ASTN2: variants seen among roughly 807,000 people sequenced by gnomAD.
ASTN2 encodes the protein astrotactin-2.
A neutral mutation model predicts 139.8 loss-of-function variants in ASTN2; 54 were observed. That is an observed-to-expected ratio of 0.39 (90% CI 0.31 to 0.48). The LOEUF is 0.48. Ranked by LOEUF, ASTN2 falls within the 20% of genes least tolerant of loss-of-function variation. ASTN2 has a pLI of 0.95. For synonymous variants in ASTN2, 756 were observed against 719.5 expected (o/e 1.05, Z -0.81); for missense variants, 1,565 against 1,725.1 (o/e 0.91, Z 1.64).
intron 2 of ASTN2, among the ~76,000 whole-genome samples, chr9:117,258,658 T>C (rs1833749696): frequency 6.6e-6 from 1 of 152,184 alleles, no homozygotes; most frequent in African/African-American, 2.4e-5. Context: ...ATCAAAATTC[T>C]TTAGCCTTAC....
At chr9:117,024,057 T>A (rs952805443) in intron 6 of ASTN2, among the ~76,000 whole-genome samples, 14 of 152,062 alleles carry the variant, frequency 9.2e-5, no homozygotes, top group Admixed American at 9.2e-4. Flanking sequence ...TGAGGCCAAT[T>A]TCCTTTTGCA....
intron 16 of ASTN2, among the ~76,000 whole-genome samples, chr9:116,723,471 C>T (rs576824524): frequency 1.3e-5 from 2 of 152,292 alleles, no homozygotes; most frequent in African/African-American, 2.4e-5. Context: ...TTCAGCACTG[C>T]ACTATCTCTC....
chr9:116,884,164 CA>C (rs1833527264), intron 10 of ASTN2, among the ~76,000 whole-genome samples: 1 of 152,112 alleles, frequency 6.6e-6, no homozygotes, highest in Non-Finnish European at 1.5e-5. Context: ...GCCAGACAGG[CA>C]GGCTTCTAGA....
At chr9:116,981,329 G>A (rs1836508235) in intron 7 of ASTN2, among the ~76,000 whole-genome samples, 1 of 152,156 alleles carries the variant, frequency 6.6e-6, no homozygotes, top group South Asian at 2.1e-4. Flanking sequence ...TTTAGGCTGA[G>A]TTCATTTAGA....
intron 19 of ASTN2, among the ~76,000 whole-genome samples, chr9:116,551,444 G>C (rs1852339000): frequency 6.6e-6 from 1 of 152,152 alleles, no homozygotes; most frequent in Non-Finnish European, 1.5e-5. Context: ...GACTAGGAGA[G>C]GGATGTTTGA....
intron 10 of ASTN2, among the ~76,000 whole-genome samples, chr9:116,889,912 C>T (rs972188801): frequency 1.3e-5 from 2 of 151,320 alleles, no homozygotes; most frequent in African/African-American, 4.9e-5. Context: ...GCCTAGGCAA[C>T]AAAGCAAGAC....
chr9:117,000,711 T>C (rs1837170033), intron 7 of ASTN2, among the ~76,000 whole-genome samples: 1 of 152,202 alleles, frequency 6.6e-6, no homozygotes, highest in African/African-American at 2.4e-5. Context: ...AAGCCTCCAC[T>C]AGCCACTTTT....
At chr9:116,899,840 A>C (rs1833963912) in intron 10 of ASTN2, among the ~76,000 whole-genome samples, 1 of 152,188 alleles carries the variant, frequency 6.6e-6, no homozygotes, top group South Asian at 2.1e-4. Flanking sequence ...TACTGTTGTA[A>C]AACCTAAGAT....
chr9:117,412,191 C>T (rs1831184037), intron 1 of ASTN2, among the ~76,000 whole-genome samples: 1 of 152,128 alleles, frequency 6.6e-6, no homozygotes, highest in African/African-American at 2.4e-5. Context: ...TAGCCAAATC[C>T]CCGTTGAGAG....
At chr9:116,884,806 C>CA (rs201031478) in intron 10 of ASTN2, among the ~76,000 whole-genome samples, 1 of 115,646 alleles carries the variant, frequency 8.6e-6, no homozygotes, top group African/African-American at 3.5e-5. Context: ...AATATCCGCC[C>CA]CCCCCCCACC....
chr9:116,783,176 C>T (rs1309167821), intron 13 of ASTN2, among the ~76,000 whole-genome samples: 1 of 152,058 alleles, frequency 6.6e-6, no homozygotes, highest in East Asian at 1.9e-4. Context: ...AAATTTTAGT[C>T]AGTGTAGCAT....
intron 1 of ASTN2, 38 bp from the exon 2 acceptor site, chr9:117,291,551 G>T: frequency 6.5e-7 from 1 of 1,539,156 alleles, no homozygotes; most frequent in Non-Finnish European, 8.8e-7. Flanking sequence ...TGAGCCGTAC[G>T]CCTGGCCTTG....
At chr9:116,610,569 C>T (rs888480337) in intron 19 of ASTN2, among the ~76,000 whole-genome samples, 2 of 152,016 alleles carry the variant, frequency 1.3e-5, no homozygotes, top group Non-Finnish European at 2.9e-5. Flanking sequence ...TGCCATTGCG[C>T]TCCAGCCTAG....
intron 6 of ASTN2, among the ~76,000 whole-genome samples, chr9:117,019,740 C>G (rs1307242243): frequency 6.6e-6 from 1 of 152,080 alleles, no homozygotes; most frequent in Non-Finnish European, 1.5e-5. Context: ...TCTGAAGGAG[C>G]CAGTCCCTGG....
chr9:116,737,982 G>A (rs954698929), intron 13 of ASTN2, among the ~76,000 whole-genome samples: 3 of 150,244 alleles, frequency 2.0e-5, no homozygotes, highest in Non-Finnish European at 4.4e-5. Context: ...CACGAGGTCA[G>A]GAGATCGAGA....
rs1554783150 is a variant in ASTN2 at position 117,147,438 on chromosome 9, A to AACACACACACACACACATACACACACAC, written c.1016-5961_1016-5960insGTGTGTGTGTATGTGTGTGTGTGTGTGT. Among the ~76,000 whole-genome samples, 223 of 148,346 alleles carry AACACACACACACACACATACACACACAC rather than the reference A, an allele frequency of 1.5e-3. 1 individual carries two copies. Among genetic ancestry groups the AACACACACACACACACATACACACACAC allele is most frequent in the African/African-American group, 5.3e-3 (213 of 40,400 alleles). ...GTGAAAGAGTGAGACTCTGACTCAA[A>AACACACACACACACACATACACACACAC]ACACACACACACACACACACACACA... On this transcript the variant is annotated intron_variant, in intron 3 of 22. Transcript: ENST00000313400.
chr9:116,799,445 C>T (rs1162416688), intron 13 of ASTN2, among the ~76,000 whole-genome samples: 2 of 152,184 alleles, frequency 1.3e-5, no homozygotes, highest in African/African-American at 4.8e-5. Context: ...TCCTCCAGCT[C>T]TTTGCAGGTC....
At chr9:116,495,477 C>G (rs1849640786) in intron 19 of ASTN2, among the ~76,000 whole-genome samples, 3 of 152,198 alleles carry the variant, frequency 2.0e-5, no homozygotes, top group African/African-American at 7.2e-5. Flanking sequence ...CAACCAAGTT[C>G]TGATGACATT....
chr9:117,273,548 A>G (rs564704594), intron 2 of ASTN2, among the ~76,000 whole-genome samples: 1 of 152,320 alleles, frequency 6.6e-6, no homozygotes, highest in Non-Finnish European at 1.5e-5. Flanking sequence ...AGGATATGGT[A>G]TTATTAATAA....
Sources: gnomAD v4.1 joint callset for allele counts (sites outside exome capture counted in the v4.1 genomes callset) on GRCh38, gnomAD v4.1.1 for gene constraint, MANE v1.5 for transcripts, NCBI Gene and HGNC (gene_info 2026-07-23, HGNC 2026-07-21) for gene names.